NCKAP5L: variants seen among roughly 807,000 people sequenced by gnomAD.
NCKAP5L encodes NCK associated protein 5 like.
In NCKAP5L, 54 loss-of-function variants were observed where a neutral mutation model predicts 103.2. The observed-to-expected ratio is 0.52, with a 90% confidence interval of 0.42 to 0.66. The LOEUF (loss-of-function observed/expected upper bound fraction) is 0.66. Among genes scored for constraint, NCKAP5L ranks in the 30% least tolerant of loss-of-function variants. The pLI is 0.00. For synonymous variants in NCKAP5L, 762 were observed against 748.6 expected, an observed-to-expected ratio of 1.02 and a Z score of -0.29; for missense variants, 1,733 against 1,750.6, an observed-to-expected ratio of 0.99 and a Z score of 0.18.
intron 3 of NCKAP5L, 23 bp downstream of exon 3, chr12:49,803,899 C>A: frequency 6.2e-7 from 1 of 1,600,772 alleles, no homozygotes; most frequent in South Asian, 1.1e-5. Context: ...GCACTGCTGC[C>A]CCTACCACGC....
At position 49,795,109 on chromosome 12, in the gene NCKAP5L, G is replaced by A. The variant is rs201783356; in HGVS notation, c.2751C>T (p.Ile917=). Residue 917 remains isoleucine, a synonymous_variant, in exon 8 of 13, where the codon ATC becomes ATT. Coordinates refer to ENST00000335999, the MANE Select transcript of NCKAP5L (RefSeq NM_001037806.4). ...AEVKHRNTSS[I]ASWFGLKKSK... is the part of the protein sequence containing the mutation. ...TCTTCTTAAGGCCGAACCAGCTGGC[G>A]ATGCTGCTGGTGTTGCGGTGCTTGA... The A allele has an allele frequency of 7.2e-4, 1,167 of 1,613,242 alleles. 8 individuals are homozygous for A. The African/African-American group carries it at 8.2e-3, about 11-fold the overall frequency.
chr12:49,798,653 G>C (rs1398563487), intron 6 of NCKAP5L, among the ~76,000 whole-genome samples, 190 bp from the exon 7 acceptor site: 1 of 152,248 alleles, frequency 6.6e-6, no homozygotes, highest in Non-Finnish European at 1.5e-5. Context: ...AGCACAGGCA[G>C]ATCTAGGGTC....
chr12:49,798,246 A>T (rs1946079784), intron 7 of NCKAP5L, 104 bp downstream of exon 7: 2 of 1,105,536 alleles, frequency 1.8e-6, no homozygotes, highest in African/African-American at 3.1e-5. Context: ...GGCTGCTCAC[A>T]CTTCCAGCCT....
intron 8 of NCKAP5L, among the ~76,000 whole-genome samples, chr12:49,794,271 G>A (rs80120906): frequency 2.7e-3 from 416 of 152,238 alleles, no homozygotes; most frequent in South Asian, 4.6e-3. Flanking sequence ...TCCAAACCAC[G>A]CACCCTACCT....
At position 49,792,965 on chromosome 12, in the gene NCKAP5L, G is replaced by T. The variant is rs748859611; in HGVS notation, c.3362C>A (p.Thr1121Asn). ...GAAGGTCCCAATGCCACTGTCCAAG[G>T]TTCGAGTCAAGGAGCCACAGGCTGG... ...HFTACGSLTR[T>N]LDSGIGTFPP... The change falls in exon 11 of 13, where the codon ACC becomes AAC. Residue 1121 changes from threonine to asparagine, a missense_variant. Transcript: ENST00000335999. The surrounding 1 kb of genome is among the most constrained non-coding windows in gnomAD (Gnocchi z 4.5). The T allele has an allele frequency of 3.2e-6, 5 of 1,551,780 alleles. No homozygotes were observed. Among genetic ancestry groups the T allele is most frequent in the Admixed American group, 1.8e-5 (1 of 54,100 alleles).
chr12:49,806,374 G>T lies in NCKAP5L; in HGVS notation c.-98-333C>A, dbSNP rs192217407. Reference sequence around the variant, plus strand: ...AGTCACACCTGGTACTTTACAACCCGGTTCTACAACATACATTGTCTTGCC... The same window carrying T: ...AGTCACACCTGGTACTTTACAACCCTGTTCTACAACATACATTGTCTTGCC... On this transcript the variant is annotated intron_variant, in intron 1 of 12. Transcript: ENST00000335999. Among the ~76,000 whole-genome samples, 216 of 152,334 alleles carry T rather than the reference G, an allele frequency of 1.4e-3. 1 individual carries two copies. The highest frequency in any genetic ancestry group is 0.01 in the Admixed American group (160 of 15,314).
rs1194458988 is a variant in NCKAP5L, at chr12:49,797,230, G to C, written c.630C>G (p.Thr210=). 1.9e-6 allele frequency: 3 copies of C among 1,613,456 alleles called. No individual in the cohort carries two copies. Among genetic ancestry groups the C allele is most frequent in the Admixed American group, 1.7e-5 (1 of 60,008 alleles). Residue 210 remains threonine (T), a synonymous_variant, in exon 8 of 13, where the codon ACC becomes ACG. Transcript: ENST00000335999. This position sits in a 1 kb window ranked among gnomAD's most constrained non-coding sequence, Gnocchi z 4.5. ...TDPLLLCSPA[T]PWRPPGQGPG... is the part of the protein sequence containing the mutation. ...GCCCCTGGCCTGGAGGCCGCCAGGG[G>C]GTGGCAGGTGAGCAGAGAAGCAAGG... is the stretch of plus-strand genomic sequence containing the variant.
At chr12:49,827,999 A>T (rs1946440181) in intron 1 of NCKAP5L, among the ~76,000 whole-genome samples, 1 of 139,138 alleles carries the variant, frequency 7.2e-6, no homozygotes, top group Non-Finnish European at 1.6e-5. Flanking sequence ...TCAAAGAGGG[A>T]GGGGAGCCCG....
At chr12:49,798,490 C>A (rs1190540019) in intron 6 of NCKAP5L, 27 bp from the exon 7 acceptor site, 2 of 1,534,022 alleles carry the variant, frequency 1.3e-6, no homozygotes, top group Non-Finnish European at 1.8e-6. Flanking sequence ...AGAGTTAGCA[C>A]AGTAGCTGTC....
chr12:49,796,420 G>C lies in NCKAP5L; in HGVS notation c.1440C>G (p.Leu480=). Residue 480 remains leucine, a synonymous_variant, in exon 8 of 13, where the codon CTC becomes CTG. Transcript: ENST00000335999. ...GACAGGGGATTCGCGAGTTCCGGGG[G>C]AGCTGGGGACTGAGCTGCGGGCCTC... The part of the protein sequence containing the change: ...SPGGPQLSPQ[L]PRNSRIPCRN... 1 of 1,566,080 alleles carries C rather than the reference G, an allele frequency of 6.4e-7. No individual in the cohort carries two copies. The highest frequency in any genetic ancestry group is 8.6e-7 in the Non-Finnish European group (1 of 1,158,280).
chr12:49,797,138 G>A lies in NCKAP5L; in HGVS notation c.722C>T (p.Ala241Val), dbSNP rs767225059. The A allele has an allele frequency of 9.0e-5, 145 of 1,605,534 alleles. No individual in the cohort carries two copies. The highest frequency in any genetic ancestry group is 5.6e-4 in the Admixed American group (33 of 58,502). Reference sequence around the variant, plus strand: ...GCCAGGGCCTAGCAGCAGGCAGGGCGCCCAGGGTGAGGGTTCAGGCTGAGG... The same window carrying A: ...GCCAGGGCCTAGCAGCAGGCAGGGCACCCAGGGTGAGGGTTCAGGCTGAGG... ...GPPQPEPSPW[A>V]PCLLLGPGNL... The change falls in exon 8 of 13, where the codon GCG becomes GTG. Residue 241 changes from alanine (A) to valine (V), a missense_variant. Transcript: ENST00000335999. The surrounding 1 kb of genome is among the most constrained non-coding windows in gnomAD (Gnocchi z 4.5).
rs1174946604 is a variant in NCKAP5L, at chr12:49,803,077, C to T, written c.192+20G>A. 6.8e-6 allele frequency: 11 copies of T among 1,614,126 alleles called. No individual in the cohort carries two copies. The highest frequency in any genetic ancestry group is 8.5e-6 in the Non-Finnish European group (10 of 1,180,040). The stretch of plus-strand genomic sequence containing the variant: ...AGCAGATGAGCCACATCCCCCCAGT[C>T]CCACTACAGACCCACAGACCTCGTC... On this transcript the variant is annotated intron_variant, in intron 4 of 12. Transcript: ENST00000335999.
At chr12:49,821,111 C>T (rs946564890) in intron 1 of NCKAP5L, among the ~76,000 whole-genome samples, 5 of 152,106 alleles carry the variant, frequency 3.3e-5, no homozygotes. Context: ...CTGCCTTGCT[C>T]CTTCAAGGCC....
Position 49,791,758 on chromosome 12 carries a change from G to C in NCKAP5L, c.*81C>G. ...TTGGTCCCTTCAGGGAGGGGTCCCCGTCTCCGGGGGCTGGGCATGAAGAGA... is the reference window on the plus strand; with the variant it reads ...TTGGTCCCTTCAGGGAGGGGTCCCCCTCTCCGGGGGCTGGGCATGAAGAGA... On this transcript the variant is annotated 3_prime_UTR_variant, in exon 13 of 13. Coordinates refer to ENST00000335999, the MANE Select transcript of NCKAP5L (RefSeq NM_001037806.4). The C allele has an allele frequency of 6.1e-6, 8 of 1,318,254 alleles. No homozygotes were observed. Among genetic ancestry groups the C allele is most frequent in the Non-Finnish European group, 8.2e-6 (8 of 980,966 alleles). 81.7% of individuals were successfully genotyped at this position (1,318,254 alleles called of 1,614,324 possible). A position where few individuals can be genotyped will look rare whatever the true frequency, so the allele number is the denominator to read the frequency against.
At chr12:49,794,238 T>C (rs1245570299) in intron 8 of NCKAP5L, among the ~76,000 whole-genome samples, 1 of 152,182 alleles carries the variant, frequency 6.6e-6, no homozygotes, top group Admixed American at 6.5e-5. Flanking sequence ...CTGCTCTAGC[T>C]GAACTTCTGA....
intron 5 of NCKAP5L, 60 bp from the exon 6 acceptor site, chr12:49,802,027 G>A: frequency 6.3e-7 from 1 of 1,598,544 alleles, no homozygotes. Context: ...GAGTGTCACA[G>A]TGCTCTTCAT....
chr12:49,826,280 C>A (rs1946415879), intron 1 of NCKAP5L, among the ~76,000 whole-genome samples: 1 of 152,172 alleles, frequency 6.6e-6, no homozygotes, highest in African/African-American at 2.4e-5. Flanking sequence ...CGTAAACTGT[C>A]TCCTGGGAAT....
At chr12:49,798,252 A>G in intron 7 of NCKAP5L, 98 bp downstream of exon 7, 2 of 1,163,974 alleles carry the variant, frequency 1.7e-6, no homozygotes, top group African/African-American at 1.5e-5. Context: ...TCACACTTCC[A>G]GCCTGGACAA....
intron 8 of NCKAP5L, among the ~76,000 whole-genome samples, 153 bp downstream of exon 8, chr12:49,794,612 C>CCCCG (rs1555147581): frequency 6.6e-6 from 1 of 150,392 alleles, no homozygotes; most frequent in African/African-American, 2.5e-5. Flanking sequence ...CTGACCCCCC[C>CCCCG]ACCAGCTGCT....
Sources: gnomAD v4.1 joint callset for allele counts (sites outside exome capture counted in the v4.1 genomes callset) on GRCh38, gnomAD v4.1.1 for gene constraint, Gnocchi (gnomAD v3.1) non-coding constraint, MANE v1.5 for transcripts, NCBI Gene and HGNC (gene_info 2026-07-23, HGNC 2026-07-21) for gene names.